Variants in PKHD1 observed in about 807,000 individuals in gnomAD.
PKHD1 encodes PKHD1 ciliary IPT domain containing fibrocystin/polyductin, also known as fibrocystin.
Under a neutral mutation model 412.0 loss-of-function variants are expected in PKHD1, and 291 were observed. The ratio of observed to expected loss-of-function variants is 0.71; its 90% confidence interval spans 0.64 to 0.78. PKHD1 has a LOEUF of 0.78. Ranked by LOEUF, PKHD1 falls within the 30% of genes least tolerant of loss-of-function variation. The pLI, the probability that PKHD1 is intolerant of heterozygous loss-of-function variation, is 0.00. For synonymous variants in PKHD1, 1,777 were observed against 1,821.5 expected (o/e 0.98, Z 0.62); for missense variants, 4,825 against 4,950.7 (o/e 0.97, Z 0.76).
chr6:52,046,395 T>C (rs1805846262), intron 23 of PKHD1, among the ~76,000 whole-genome samples: 1 of 152,196 alleles, frequency 6.6e-6, no homozygotes, highest in Non-Finnish European at 1.5e-5. Context: ...CCACTTTTTA[T>C]ATTACACTAT....
intron 37 of PKHD1, among the ~76,000 whole-genome samples, chr6:51,920,336 G>A (rs1486060920): frequency 6.6e-6 from 1 of 152,182 alleles, no homozygotes; most frequent in Non-Finnish European, 1.5e-5. Context: ...TTTAGATGAA[G>A]GGCTGTTGAA....
chr6:51,982,876 AAAATAAAAT>A (rs1795707917), intron 35 of PKHD1, among the ~76,000 whole-genome samples: 1 of 108,430 alleles, frequency 9.2e-6, no homozygotes, highest in Non-Finnish European at 2.3e-5. Flanking sequence ...AAAATAAAAT[AAAATAAAAT>A]AAAATAAAAA....
intron 53 of PKHD1, among the ~76,000 whole-genome samples, chr6:51,784,756 C>T (rs949665617): frequency 1.3e-5 from 2 of 152,140 alleles, no homozygotes; most frequent in African/African-American, 4.8e-5. Flanking sequence ...TTCTGCCTCA[C>T]GACTACCACA....
rs563130558 is a variant in PKHD1, at chr6:51,986,985, A to G, written c.5751+23324T>C. On this transcript the variant is annotated intron_variant, in intron 35 of 66. Transcript: ENST00000371117. ...TAATAGCCGATACTAGGTAGAGCAC[A>G]TAAATAGCATGGCTTTAAAGAAAGC... 3.9e-5 allele frequency among the ~76,000 whole-genome samples: 6 copies of G among 152,366 alleles called. No individual in the cohort carries two copies. In the South Asian group the frequency reaches 1.2e-3, roughly 32 times the overall value.
intron 1 of PKHD1, among the ~76,000 whole-genome samples, chr6:52,086,315 T>A (rs1812786743): frequency 6.6e-6 from 1 of 151,934 alleles, no homozygotes; most frequent in African/African-American, 2.4e-5. Flanking sequence ...TTCACCATGA[T>A]AGCCAGACTG....
rs555174357 is a variant in PKHD1, at chr6:51,668,055, T to C, written c.10157-8086A>G. Among the ~76,000 whole-genome samples, 5 of 152,254 alleles carry C rather than the reference T, an allele frequency of 3.3e-5. No individual in the cohort carries two copies. In the East Asian group the frequency reaches 9.6e-4, roughly 29 times the overall value. On this transcript the variant is annotated intron_variant, in intron 60 of 66. Transcript: ENST00000371117. The stretch of plus-strand genomic sequence containing the variant: ...CTCTTTTTTGGTTCCATATGAACTT[T>C]AAAGTAGTTTTTTCCAATTCTGTGA...
intron 66 of PKHD1, among the ~76,000 whole-genome samples, chr6:51,625,693 G>A (rs1767136987): frequency 6.6e-6 from 1 of 152,070 alleles, no homozygotes. Context: ...ATTTAAGCGG[G>A]CCACTGAAAT....
chr6:51,932,169 G>A (rs1786724728), intron 37 of PKHD1, among the ~76,000 whole-genome samples: 1 of 152,180 alleles, frequency 6.6e-6, no homozygotes, highest in African/African-American at 2.4e-5. Flanking sequence ...CATATTGACT[G>A]TAAGCAATGG....
intron 63 of PKHD1, among the ~76,000 whole-genome samples, chr6:51,641,083 G>A (rs1160384121): frequency 5.3e-5 from 8 of 152,184 alleles, no homozygotes; most frequent in Admixed American, 5.2e-4. Context: ...TGAAAAAGTA[G>A]TATTTCATGA....
At chr6:51,980,879 T>C (rs1795055367) in intron 35 of PKHD1, among the ~76,000 whole-genome samples, 1 of 152,142 alleles carries the variant, frequency 6.6e-6, no homozygotes, top group African/African-American at 2.4e-5. Flanking sequence ...ACAATAACAA[T>C]ACAGTCCACT....
chr6:51,930,508 G>A (rs1324246961), intron 37 of PKHD1, among the ~76,000 whole-genome samples: 1 of 152,172 alleles, frequency 6.6e-6, no homozygotes, highest in African/African-American at 2.4e-5. Flanking sequence ...ACCAAAGCCT[G>A]TTTGCTTAGC....
chr6:52,009,429 A>G (rs757531462), intron 35 of PKHD1, among the ~76,000 whole-genome samples: 1 of 152,264 alleles, frequency 6.6e-6, no homozygotes, highest in Non-Finnish European at 1.5e-5. Flanking sequence ...TGACTGCAGC[A>G]GCATTCACAA....
At chr6:51,990,163 T>G (rs1796870400) in intron 35 of PKHD1, among the ~76,000 whole-genome samples, 1 of 151,710 alleles carries the variant, frequency 6.6e-6, no homozygotes. Context: ...GCTATTGCCC[T>G]CATGCCAGTA....
At chr6:51,783,524 GTCTT>G (rs1792373654) in intron 53 of PKHD1, among the ~76,000 whole-genome samples, 1 of 151,376 alleles carries the variant, frequency 6.6e-6, no homozygotes, top group Non-Finnish European at 1.5e-5. Context: ...TATTAAAACA[GTCTT>G]TATTGAGTTG....
At chr6:51,894,055 C>T (rs1294563459) in intron 43 of PKHD1, among the ~76,000 whole-genome samples, 1 of 152,122 alleles carries the variant, frequency 6.6e-6, no homozygotes, top group African/African-American at 2.4e-5. Flanking sequence ...ACTTCCCAAC[C>T]AGAGAGAATG....
intron 51 of PKHD1, among the ~76,000 whole-genome samples, chr6:51,832,450 A>G (rs1357213545): frequency 6.6e-6 from 1 of 152,084 alleles, no homozygotes; most frequent in African/African-American, 2.4e-5. Flanking sequence ...AAGAGAGGTA[A>G]GTGACAAGGT....
intron 51 of PKHD1, among the ~76,000 whole-genome samples, chr6:51,832,260 A>G (rs1217085768): frequency 1.3e-5 from 2 of 152,092 alleles, no homozygotes; most frequent in Non-Finnish European, 2.9e-5. Flanking sequence ...TCCCGAGGGA[A>G]GTAGTAACTC....
At chr6:51,702,827 A>G (rs1779600666) in intron 60 of PKHD1, among the ~76,000 whole-genome samples, 1 of 151,938 alleles carries the variant, frequency 6.6e-6, no homozygotes, top group Admixed American at 6.6e-5. Context: ...AAAGAGAAAG[A>G]AAAAGGAATA....
chr6:51,750,984 C>T (rs1786026721), intron 57 of PKHD1, among the ~76,000 whole-genome samples: 1 of 152,066 alleles, frequency 6.6e-6, no homozygotes, highest in Non-Finnish European at 1.5e-5. Context: ...ACCATGTTGG[C>T]CAAGCTGGTA....
Sources: gnomAD v4.1 joint callset for allele counts (sites outside exome capture counted in the v4.1 genomes callset) on GRCh38, gnomAD v4.1.1 for gene constraint, MANE v1.5 for transcripts, NCBI Gene and HGNC (gene_info 2026-07-23, HGNC 2026-07-21) for gene names.